Variants in CARF observed in about 807,000 individuals in gnomAD.
CARF encodes calcium-responsive transcription factor.
CARF carries 57 observed loss-of-function variants against 82.0 expected under a neutral mutation model. That is an observed-to-expected ratio of 0.70 (90% CI 0.56 to 0.87). CARF has a LOEUF of 0.87. Among genes scored for constraint, CARF ranks in the 40% least tolerant of loss-of-function variants. The pLI is 0.00. For synonymous variants in CARF, 268 were observed against 290.1 expected (o/e 0.92, Z 0.77); for missense variants, 771 against 855.8 (o/e 0.90, Z 1.24).
At chr2:202,915,948 T>C (rs1035233267) in intron 1 of CARF, among the ~76,000 whole-genome samples, 3 of 152,096 alleles carry the variant, frequency 2.0e-5, no homozygotes, top group African/African-American at 7.2e-5. Context: ...TTATATATAA[T>C]TGCATGCATT....
At position 202,986,210 on chromosome 2, in the gene CARF, A is replaced by G. The variant is rs1042741018; in HGVS notation, c.*2586A>G. On this transcript the variant is annotated 3_prime_UTR_variant, in exon 17 of 17. Coordinates refer to ENST00000438828, the MANE Select transcript of CARF (RefSeq NM_024744.17). ...ATTTTAAAAATTCATTGTCATCTAA[A>G]TGCATGTTTAGTCACAATGTATCAG... 1.3e-5 allele frequency: 2 copies of G among 152,180 alleles called. No homozygotes were observed. The highest frequency in any genetic ancestry group is 2.9e-5 in the Non-Finnish European group (2 of 67,992). 9.4% of individuals were successfully genotyped at this position (152,180 alleles called of 1,614,324 possible).
intron 3 of CARF, chr2:202,925,317 G>A (rs1299530627): frequency 5.8e-6 from 2 of 344,642 alleles, no homozygotes; most frequent in East Asian, 7.4e-5. Flanking sequence ...TCATTCAGCT[G>A]TATGAAGAGG....
intron 14 of CARF, among the ~76,000 whole-genome samples, chr2:202,979,438 T>C (rs1225857144): frequency 2.0e-5 from 3 of 152,016 alleles, no homozygotes; most frequent in East Asian, 3.9e-4. Flanking sequence ...TGCTGTTTAG[T>C]CCTCTCAGTG....
At position 202,986,429 on chromosome 2, in the gene CARF, A is replaced by G. The variant is rs983230580; in HGVS notation, c.*2805A>G. 13 of 152,126 alleles carry G rather than the reference A, an allele frequency of 8.5e-5. No homozygotes were observed. The highest frequency in any genetic ancestry group is 8.3e-4 in the South Asian group (4 of 4,822). 9.4% of individuals were successfully genotyped at this position (152,126 alleles called of 1,614,324 possible). A position where few individuals can be genotyped will look rare whatever the true frequency, so the allele number is the denominator to read the frequency against. ...TGTGTGTCATGTATTGTAAGTTGTA[A>G]TATCTGTAGGAGTGAGTTGGACATT... On this transcript the variant is annotated 3_prime_UTR_variant, in exon 17 of 17. Transcript: ENST00000438828.
rs1296644024 is a variant in CARF, at chr2:202,974,384, A to T, written c.1382A>T (p.His461Leu). The change falls in exon 13 of 17, where the codon CAT becomes CTT. Residue 461 changes from histidine (H) to leucine (L), a missense_variant. Physicochemically the swap from His to Leu is moderately conservative, Grantham distance 99. Coordinates refer to ENST00000438828, the MANE Select transcript of CARF (RefSeq NM_024744.17). Reference protein sequence around the residue: ...LFKPDEVPERHNLSFFPTVND... With the variant: ...LFKPDEVPERLNLSFFPTVND... ...AAACCCGATGAGGTACCTGAAAGACATAATTTATCTTTTTTTCCAACTGTA... is the reference window on the plus strand; with the variant it reads ...AAACCCGATGAGGTACCTGAAAGACTTAATTTATCTTTTTTTCCAACTGTA... 6.2e-7 allele frequency: 1 copy of T among 1,609,726 alleles called. No homozygotes were observed. The highest frequency in any genetic ancestry group is 8.5e-7 in the Non-Finnish European group (1 of 1,179,052).
chr2:202,928,635 TTG>T (rs1035178239), intron 3 of CARF, among the ~76,000 whole-genome samples: 3 of 152,236 alleles, frequency 2.0e-5, no homozygotes, highest in African/African-American at 7.2e-5. Flanking sequence ...TTGTTATTTT[TTG>T]TCTTTTTGAT....
At chr2:202,927,398 A>G (rs1692054739) in intron 3 of CARF, among the ~76,000 whole-genome samples, 1 of 152,176 alleles carries the variant, frequency 6.6e-6, no homozygotes, top group Non-Finnish European at 1.5e-5. Flanking sequence ...ATGATATACA[A>G]CATGATGTAT....
chr2:202,940,040 T>A (rs1365895731), intron 3 of CARF, among the ~76,000 whole-genome samples: 5 of 151,758 alleles, frequency 3.3e-5, no homozygotes, highest in African/African-American at 1.2e-4. Flanking sequence ...TGTTTGTTTG[T>A]TTGTTTGTTT....
chr2:202,947,232 C>T (rs2058540788), intron 5 of CARF, among the ~76,000 whole-genome samples: 3 of 152,078 alleles, frequency 2.0e-5, no homozygotes, highest in African/African-American at 7.2e-5. Flanking sequence ...ACCCCAAATG[C>T]CCATCAATGA....
rs1190037041 is a variant in CARF, at chr2:202,981,646, A to G, written c.1650A>G (p.Ser550=). 8 of 1,611,668 alleles carry G rather than the reference A, an allele frequency of 5.0e-6. No individual in the cohort carries two copies. The highest frequency in any genetic ancestry group is 6.8e-6 in the Non-Finnish European group (8 of 1,178,686). ...CTGAGCCAACCCACTTGCTCTCCTCACTCTCCTCATTTCAGCCCAAAATAT... is the reference window on the plus strand; with the variant it reads ...CTGAGCCAACCCACTTGCTCTCCTCGCTCTCCTCATTTCAGCCCAAAATAT... The part of the protein sequence containing the change: ...LSPEPTHLLS[S]LSSFQPKIFT... The change falls in exon 15 of 17, where the codon TCA becomes TCG. Residue 550 remains serine (S), a synonymous_variant. Coordinates refer to ENST00000438828, the MANE Select transcript of CARF (RefSeq NM_024744.17).
intron 3 of CARF, among the ~76,000 whole-genome samples, chr2:202,929,086 ATTAT>A (rs1357271480): frequency 6.6e-6 from 1 of 152,120 alleles, no homozygotes; most frequent in African/African-American, 2.4e-5. Context: ...TCTAAATGAA[ATTAT>A]TTATTTATTA....
chr2:202,960,775 C>G (rs1260263246), intron 8 of CARF, among the ~76,000 whole-genome samples: 2 of 150,658 alleles, frequency 1.3e-5, no homozygotes, highest in Non-Finnish European at 3.0e-5. Context: ...CTCTCCTTCC[C>G]TCCTTCCCTC....
At chr2:202,983,414 G>T in intron 16 of CARF, 92 bp from the exon 17 acceptor site, 1 of 809,412 alleles carries the variant, frequency 1.2e-6, no homozygotes, top group Non-Finnish European at 1.9e-6. Flanking sequence ...AGTTTTCACA[G>T]AAGTTATTTT....
At chr2:202,976,740 G>A (rs1381797764) in intron 13 of CARF, among the ~76,000 whole-genome samples, 3 of 131,326 alleles carry the variant, frequency 2.3e-5, no homozygotes, top group Non-Finnish European at 3.2e-5. Flanking sequence ...TTGAGATAGA[G>A]TTTCACTGTC....
chr2:202,951,377 C>T (rs2105841841), intron 5 of CARF, among the ~76,000 whole-genome samples: 1 of 152,244 alleles, frequency 6.6e-6, no homozygotes, highest in Non-Finnish European at 1.5e-5. Flanking sequence ...TGTCAAGCAT[C>T]AGCAATATTT....
intron 14 of CARF, among the ~76,000 whole-genome samples, chr2:202,980,626 A>G (rs2060215560): frequency 6.3e-5 from 3 of 47,640 alleles, no homozygotes; most frequent in Admixed American, 4.6e-4. Context: ...GTATATATAT[A>G]TATATATATA....
At chr2:202,944,521 T>G (rs917915484) in intron 5 of CARF, among the ~76,000 whole-genome samples, 1 of 152,236 alleles carries the variant, frequency 6.6e-6, no homozygotes, top group African/African-American at 2.4e-5. Flanking sequence ...TCCTTTATGA[T>G]CCAGCCAAAT....
At chr2:202,938,642 G>T (rs1363294429) in intron 3 of CARF, among the ~76,000 whole-genome samples, 3 of 112,000 alleles carry the variant, frequency 2.7e-5, no homozygotes, top group Admixed American at 2.0e-4. Context: ...GGGGGGTTTT[G>T]TGGGGGGGTT....
chr2:202,955,816 C>T (rs2105861731), intron 8 of CARF, 58 bp downstream of exon 8: 2 of 1,277,644 alleles, frequency 1.6e-6, no homozygotes, highest in Non-Finnish European at 2.2e-6. Context: ...CACAGGTCAT[C>T]CCCAAATGCC....
Sources: allele counts gnomAD v4.1 joint callset (sites outside exome capture counted in the v4.1 genomes callset), GRCh38; gene constraint gnomAD v4.1.1; transcripts MANE v1.5; gene names NCBI Gene and HGNC (gene_info 2026-07-23, HGNC 2026-07-21).